The following FOXA3 variants were observed in gnomAD, a reference collection of about 807,000 sequenced individuals.
FOXA3 encodes the protein forkhead box A3, also known as hepatocyte nuclear factor 3-gamma.
Under a neutral mutation model 16.9 loss-of-function variants are expected in FOXA3, and 11 were observed. That is an observed-to-expected ratio of 0.65 (90% confidence interval 0.41 to 1.08). The LOEUF is 1.08. Among genes scored for constraint, FOXA3 ranks in the 50% least tolerant of loss-of-function variants. FOXA3 has a pLI of 0.00. For missense variants in FOXA3, 423 were observed against 470.1 expected, an observed-to-expected ratio of 0.90 and a Z score of 0.93; for synonymous variants, 217 against 203.3, an observed-to-expected ratio of 1.07 and a Z score of -0.57.
rs749067379 is a variant in FOXA3, at chr19:45,872,982, G to A, written c.977G>A (p.Gly326Asp). The A allele has an allele frequency of 1.2e-6, 2 of 1,613,870 alleles. No homozygotes were observed. The highest frequency in any genetic ancestry group is 1.7e-6 in the Non-Finnish European group (2 of 1,179,892). The part of the protein sequence containing the change: ...APPKLDVGFG[G>D]YGAEGGEPGV... ...CCCAAACTGGACGTGGGGTTTGGGG[G>A]CTACGGGGCTGAAGGTGGGGAGCCT... Residue 326 changes from glycine to aspartate, a missense_variant, in exon 2 of 2, where the codon GGC (glycine) becomes GAC (aspartate). Gly to Asp is a moderately conservative substitution (Grantham distance 94). Coordinates refer to ENST00000302177, the MANE Select transcript of FOXA3 (RefSeq NM_004497.3). This position sits in a 1 kb window ranked among gnomAD's most constrained non-coding sequence, Gnocchi z 4.5.
In FOXA3 at chr19:45,872,047, C is replaced by G; in HGVS notation, c.70-28C>G. ...TGCTGACCAGCAGAGTGGAGCCCCACTGACCCCTCCTTTCATCTTTCCCCT... is the reference window on the plus strand; with the variant it reads ...TGCTGACCAGCAGAGTGGAGCCCCAGTGACCCCTCCTTTCATCTTTCCCCT... On this transcript the variant is annotated intron_variant, in intron 1 of 1. Transcript: ENST00000302177. The surrounding 1 kb of genome is among the most constrained non-coding windows in gnomAD (Gnocchi z 4.5). The G allele has an allele frequency of 1.1e-5, 17 of 1,608,872 alleles. No homozygotes were observed. Among genetic ancestry groups the G allele is most frequent in the Non-Finnish European group, 1.4e-5 (17 of 1,176,986 alleles).
In FOXA3 at chr19:45,872,785, T is replaced by C. The variant is rs28666870; in HGVS notation, c.780T>C (p.Pro260=). The C allele has an allele frequency of 1.4e-3, 2,251 of 1,611,578 alleles. 25 individuals carry two copies. In the African/African-American group the frequency reaches 0.027, roughly 19 times the overall value. The part of the protein sequence containing the change: ...PPQPPPPAPE[P]EAQGGEDVGA... ...AGCCCCCGCCTCCAGCCCCTGAGCC[T>C]GAGGCCCAGGGCGGGGAAGATGTGG... Residue 260 remains proline (P), a synonymous_variant, in exon 2 of 2, where the codon CCT becomes CCC. Coordinates refer to ENST00000302177, the MANE Select transcript of FOXA3 (RefSeq NM_004497.3). This position sits in a 1 kb window ranked among gnomAD's most constrained non-coding sequence, Gnocchi z 4.5.
chr19:45,867,075 G>A (rs1046824041), intron 1 of FOXA3, among the ~76,000 whole-genome samples: 1 of 152,108 alleles, frequency 6.6e-6, no homozygotes, highest in African/African-American at 2.4e-5. Flanking sequence ...GCCTAGGGTG[G>A]ATTAGGGCAG....
At chr19:45,867,239 A>G (rs988120863) in intron 1 of FOXA3, among the ~76,000 whole-genome samples, 10 of 151,756 alleles carry the variant, frequency 6.6e-5, no homozygotes, top group African/African-American at 2.4e-4. Context: ...GGGATTTGGA[A>G]ACTCTGTGGA....
chr19:45,864,871 T>G (rs903357226), intron 1 of FOXA3, among the ~76,000 whole-genome samples: 3 of 151,728 alleles, frequency 2.0e-5, no homozygotes, highest in Non-Finnish European at 4.4e-5. Context: ...AGTTCCAGGG[T>G]AGGGGACAGA....
rs574620143 is a variant in FOXA3 at position 45,872,233 on chromosome 19, C to A, written c.228C>A (p.Pro76=). Residue 76 remains proline (P), a synonymous_variant, in exon 2 of 2, where the codon CCC becomes CCA. Coordinates refer to ENST00000302177, the MANE Select transcript of FOXA3 (RefSeq NM_004497.3). This position sits in a 1 kb window ranked among gnomAD's most constrained non-coding sequence, Gnocchi z 4.5. ...APPAPAAPLG[P]TFPGLGVSGG... ...CAGCACCTGCAGCCCCCCTGGGGCCCACTTTCCCAGGCCTGGGTGTCAGCG... is the reference window on the plus strand; with the variant it reads ...CAGCACCTGCAGCCCCCCTGGGGCCAACTTTCCCAGGCCTGGGTGTCAGCG... 2 of 1,606,926 alleles carry A rather than the reference C, an allele frequency of 1.2e-6. No homozygotes were observed. Among genetic ancestry groups the A allele is most frequent in the East Asian group, 2.2e-5 (1 of 44,734 alleles).
chr19:45,864,396 T>G lies in FOXA3; in HGVS notation c.-61T>G, dbSNP rs1264427951. On this transcript the variant is annotated 5_prime_UTR_variant, in exon 1 of 2. Transcript: ENST00000302177. ...AGCTCGGGCCGTGCCCGCTGAGAGA[T>G]CCAGAGCGCTCCGTTCCCCCGGGGC... The G allele has an allele frequency of 4.1e-5, 54 of 1,313,164 alleles. No homozygotes were observed. Among genetic ancestry groups the G allele is most frequent in the Non-Finnish European group, 4.0e-6 (4 of 1,010,130 alleles). The allele number at this position is 1,313,164 out of a possible 1,614,324, so 81.3% of individuals were successfully genotyped here.
At chr19:45,869,208 G>A (rs895308003) in intron 1 of FOXA3, among the ~76,000 whole-genome samples, 2 of 151,580 alleles carry the variant, frequency 1.3e-5, no homozygotes, top group Non-Finnish European at 1.5e-5. Flanking sequence ...CCAAAGTGCT[G>A]GGATTACAGG....
At position 45,873,676 on chromosome 19, in the gene FOXA3, G is replaced by C. The variant is rs898896417; in HGVS notation, c.*618G>C. 6.5e-6 allele frequency: 1 copy of C among 154,328 alleles called. No individual in the cohort carries two copies. Among genetic ancestry groups the C allele is most frequent in the Non-Finnish European group, 1.4e-5 (1 of 69,362 alleles). The allele number at this position is 154,328 out of a possible 1,614,324, so 9.6% of individuals were successfully genotyped here. ...AAGCCCACCCTTTCCCCCAACTCTG[G>C]TCCAGGAGAAACCAGAAAAGGCTGG... On this transcript the variant is annotated 3_prime_UTR_variant, in exon 2 of 2. Coordinates refer to ENST00000302177, the MANE Select transcript of FOXA3 (RefSeq NM_004497.3).
In FOXA3 at chr19:45,873,274, G is replaced by GT. The variant is rs1156874092; in HGVS notation, c.*217dup. 2 of 663,586 alleles carry GT rather than the reference G, an allele frequency of 3.0e-6. No homozygotes were observed. Among genetic ancestry groups the GT allele is most frequent in the East Asian group, 2.8e-5 (1 of 35,874 alleles). The allele number at this position is 663,586 out of a possible 1,614,324, so 41.1% of individuals were successfully genotyped here. ...ACATTTTGGTGGCCCACTGGGTACT[G>GT]TGAGGACTGCTACATTGATGGATGT... On this transcript the variant is annotated 3_prime_UTR_variant, in exon 2 of 2. Coordinates refer to ENST00000302177, the MANE Select transcript of FOXA3 (RefSeq NM_004497.3).
At chr19:45,867,391 G>A (rs1972093366) in intron 1 of FOXA3, among the ~76,000 whole-genome samples, 1 of 151,254 alleles carries the variant, frequency 6.6e-6, no homozygotes, top group Non-Finnish European at 1.5e-5. Flanking sequence ...GGGGTGAGGG[G>A]GAATGGATTT....
chr19:45,864,818 A>G (rs564785084), intron 1 of FOXA3, among the ~76,000 whole-genome samples: 1 of 152,136 alleles, frequency 6.6e-6, no homozygotes, highest in Non-Finnish European at 1.5e-5. Context: ...TGGAGCCCCA[A>G]AAAGCAAGGG....
Position 45,872,056 on chromosome 19 carries a change from C to G in FOXA3, c.70-19C>G. On this transcript the variant is annotated intron_variant, in intron 1 of 1. Transcript: ENST00000302177. This position sits in a 1 kb window ranked among gnomAD's most constrained non-coding sequence, Gnocchi z 4.5. The stretch of plus-strand genomic sequence containing the variant: ...GCAGAGTGGAGCCCCACTGACCCCT[C>G]CTTTCATCTTTCCCCTAGGTCTACT... The G allele has an allele frequency of 6.2e-7, 1 of 1,610,924 alleles. No homozygotes were observed. Among genetic ancestry groups the G allele is most frequent in the Non-Finnish European group, 8.5e-7 (1 of 1,178,250 alleles).
At chr19:45,871,733 C>T (rs928870900) in intron 1 of FOXA3, among the ~76,000 whole-genome samples, 6 of 148,036 alleles carry the variant, frequency 4.1e-5, no homozygotes, top group Non-Finnish European at 6.0e-5. Flanking sequence ...GACTCTGCCT[C>T]GAAAAAAAAA....
intron 1 of FOXA3, among the ~76,000 whole-genome samples, chr19:45,867,688 G>C (rs144293025): frequency 0.018 from 2,707 of 148,584 alleles, 70 homozygotes; most frequent in African/African-American, 0.064. Flanking sequence ...GCTGAGACAG[G>C]AGAATTGCTT....
At chr19:45,867,732 A>G (rs1294138058) in intron 1 of FOXA3, among the ~76,000 whole-genome samples, 1 of 139,402 alleles carries the variant, frequency 7.2e-6, no homozygotes, top group African/African-American at 2.7e-5. Context: ...GTGAGCCGAG[A>G]TGGAGCCACT....
chr19:45,866,740 C>T (rs1299019395), intron 1 of FOXA3, among the ~76,000 whole-genome samples: 1 of 152,138 alleles, frequency 6.6e-6, no homozygotes, highest in African/African-American at 2.4e-5. Context: ...TCCCTGTTGG[C>T]CTCAGGTTCT....
chr19:45,868,688 C>A (rs1022858194), intron 1 of FOXA3, among the ~76,000 whole-genome samples: 1 of 151,888 alleles, frequency 6.6e-6, no homozygotes, highest in African/African-American at 2.4e-5. Context: ...CCCCCACCCA[C>A]GCAGTGCCAT....
intron 1 of FOXA3, among the ~76,000 whole-genome samples, chr19:45,865,988 A>C (rs1363278751): frequency 3.3e-5 from 5 of 152,152 alleles, no homozygotes; most frequent in East Asian, 3.9e-4. Flanking sequence ...CCAATTGTAC[A>C]AACCAACTAC....
Sources: allele counts gnomAD v4.1 joint callset (sites outside exome capture counted in the v4.1 genomes callset), GRCh38; gene constraint gnomAD v4.1.1; non-coding constraint Gnocchi (gnomAD v3.1); transcripts MANE v1.5; gene names NCBI Gene and HGNC (gene_info 2026-07-23, HGNC 2026-07-21).